ARFIP1: variants seen among roughly 807,000 people sequenced by gnomAD.
ARFIP1 encodes the protein ARF interacting protein 1, also known as arfaptin-1.
ARFIP1 carries 24 observed loss-of-function variants against 42.5 expected under a neutral mutation model. That is an observed-to-expected ratio of 0.57 (90% CI 0.41 to 0.80). The LOEUF is 0.80. ARFIP1 is among the 30% of genes least tolerant of loss of function. The pLI, the probability that ARFIP1 is intolerant of heterozygous loss-of-function variation, is 0.00. For missense variants in ARFIP1, 354 were observed against 434.0 expected, an observed-to-expected ratio of 0.82 and a Z score of 1.64; for synonymous variants, 141 against 153.7, an observed-to-expected ratio of 0.92 and a Z score of 0.61.
chr4:152,810,841 C>T (rs1302041181), intron 1 of ARFIP1, among the ~76,000 whole-genome samples: 1 of 151,794 alleles, frequency 6.6e-6, no homozygotes, highest in Non-Finnish European at 1.5e-5. Flanking sequence ...TGCTATTCCA[C>T]ATCTCTTCCT....
Position 152,785,276 on chromosome 4 carries a change from C to T in ARFIP1, c.-10+5050C>T, listed in dbSNP as rs562685945. Among the ~76,000 whole-genome samples the T allele has an allele frequency of 3.3e-5, 5 of 152,252 alleles. No homozygotes were observed. The South Asian group carries it at 1.0e-3, about 32-fold the overall frequency. On this transcript the variant is annotated intron_variant, in intron 1 of 8. Coordinates refer to ENST00000353617, the MANE Select transcript of ARFIP1 (RefSeq NM_001025595.3). ...TTTACAAAGCACTTTCACATACATC[C>T]TCATTTTATTTTTACTCCAGCCATA...
chr4:152,874,016 C>G (rs1390674636), intron 5 of ARFIP1, among the ~76,000 whole-genome samples: 1 of 152,160 alleles, frequency 6.6e-6, no homozygotes, highest in Admixed American at 6.5e-5. Context: ...AATTCCCTTT[C>G]ATTTTACTTG....
At chr4:152,902,693 T>A (rs1381536579) in intron 8 of ARFIP1, among the ~76,000 whole-genome samples, 4 of 152,214 alleles carry the variant, frequency 2.6e-5, no homozygotes, top group Non-Finnish European at 1.5e-5. Flanking sequence ...ATAGCTTAAA[T>A]ATAGAAGTAA....
chr4:152,867,268 C>T (rs553567374), intron 3 of ARFIP1, among the ~76,000 whole-genome samples: 3 of 152,262 alleles, frequency 2.0e-5, no homozygotes, highest in South Asian at 2.1e-4. Context: ...CTGAGGCTGG[C>T]GGATCACTCG....
chr4:152,896,799 CT>C (rs1347607172), intron 8 of ARFIP1, among the ~76,000 whole-genome samples: 1 of 151,188 alleles, frequency 6.6e-6, no homozygotes, highest in African/African-American at 2.4e-5. Context: ...TGTGCCTTAT[CT>C]TTTTTTCCAA....
chr4:152,867,327 C>T (rs1481223554), intron 3 of ARFIP1, among the ~76,000 whole-genome samples: 1 of 152,158 alleles, frequency 6.6e-6, no homozygotes, highest in Non-Finnish European at 1.5e-5. Flanking sequence ...AACCCCGTCT[C>T]CACCAAAAAA....
intron 5 of ARFIP1, among the ~76,000 whole-genome samples, chr4:152,879,489 A>G (rs1735648709): frequency 6.6e-6 from 1 of 152,126 alleles, no homozygotes; most frequent in Non-Finnish European, 1.5e-5. Context: ...CATTATTTTA[A>G]TTTTTACCAC....
intron 8 of ARFIP1, among the ~76,000 whole-genome samples, chr4:152,895,659 C>T (rs1215580608): frequency 4.1e-5 from 6 of 145,446 alleles, no homozygotes; most frequent in Non-Finnish European, 7.5e-5. Context: ...CTCCCAGGCT[C>T]AAGCACTCCT....
At chr4:152,795,631 C>G (rs1731398141) in intron 1 of ARFIP1, among the ~76,000 whole-genome samples, 1 of 151,948 alleles carries the variant, frequency 6.6e-6, no homozygotes, top group Non-Finnish European at 1.5e-5. Context: ...ATGGTTGTAC[C>G]AATTTGTATT....
At chr4:152,842,629 T>C (rs1732188496) in intron 2 of ARFIP1, among the ~76,000 whole-genome samples, 1 of 152,170 alleles carries the variant, frequency 6.6e-6, no homozygotes, top group Admixed American at 6.5e-5. Context: ...TTTCTTTGTC[T>C]TTGTTGGATT....
intron 2 of ARFIP1, among the ~76,000 whole-genome samples, chr4:152,838,510 G>A (rs186683089): frequency 1.3e-4 from 19 of 151,014 alleles, no homozygotes; most frequent in African/African-American, 2.9e-4. Flanking sequence ...AGTATATTCC[G>A]AAGTATTTTT....
At chr4:152,801,328 C>T (rs910184404) in intron 1 of ARFIP1, among the ~76,000 whole-genome samples, 2 of 151,960 alleles carry the variant, frequency 1.3e-5, no homozygotes, top group Admixed American at 6.6e-5. Flanking sequence ...TAAGAATTTT[C>T]CAGACAGAGC....
chr4:152,836,450 G>C (rs1561131971), intron 2 of ARFIP1, among the ~76,000 whole-genome samples: 1 of 152,130 alleles, frequency 6.6e-6, no homozygotes, highest in Non-Finnish European at 1.5e-5. Context: ...GAGAAAAAAA[G>C]ACTATCCTTC....
chr4:152,789,514 T>C (rs1409582518), intron 1 of ARFIP1, among the ~76,000 whole-genome samples: 1 of 152,234 alleles, frequency 6.6e-6, no homozygotes, highest in African/African-American at 2.4e-5. Context: ...TTGTATATTG[T>C]ACTTTTTAGA....
chr4:152,866,482 C>T (rs1187914800), intron 3 of ARFIP1, among the ~76,000 whole-genome samples: 3 of 151,034 alleles, frequency 2.0e-5, no homozygotes, highest in Non-Finnish European at 4.4e-5. Flanking sequence ...GACGGGGCAG[C>T]TGGCCGGGCG....
intron 2 of ARFIP1, among the ~76,000 whole-genome samples, chr4:152,834,802 T>G (rs1263966818): frequency 1.3e-5 from 2 of 152,224 alleles, no homozygotes; most frequent in African/African-American, 4.8e-5. Flanking sequence ...TCCTAGGCAG[T>G]GGCCCAGTAG....
At chr4:152,801,071 G>T (rs529417162) in intron 1 of ARFIP1, among the ~76,000 whole-genome samples, 2 of 152,292 alleles carry the variant, frequency 1.3e-5, no homozygotes, top group African/African-American at 2.4e-5. Flanking sequence ...AGGATTTTGA[G>T]TGTCAAGCTG....
In ARFIP1 at chr4:152,876,570, T is replaced by C. The variant is rs1206867441; in HGVS notation, c.411+4006T>C. Among the ~76,000 whole-genome samples the C allele has an allele frequency of 2.6e-5, 4 of 152,306 alleles. No individual in the cohort carries two copies. The South Asian group carries it at 6.2e-4, about 24-fold the overall frequency. Reference sequence around the variant, plus strand: ...GAGAATTTGCAGCCTGACTATGCGATAGAAAAGAAAAACCCATTTTGGGGG... The same window carrying C: ...GAGAATTTGCAGCCTGACTATGCGACAGAAAAGAAAAACCCATTTTGGGGG... On this transcript the variant is annotated intron_variant, in intron 5 of 8. Transcript: ENST00000353617.
At chr4:152,825,821 A>G (rs929695938) in intron 1 of ARFIP1, among the ~76,000 whole-genome samples, 5 of 151,940 alleles carry the variant, frequency 3.3e-5, no homozygotes, top group Non-Finnish European at 7.4e-5. Context: ...TCAAGGAACA[A>G]GTAATTCCAT....
Sources: gnomAD v4.1 joint callset for allele counts (sites outside exome capture counted in the v4.1 genomes callset) on GRCh38, gnomAD v4.1.1 for gene constraint, MANE v1.5 for transcripts, NCBI Gene and HGNC (gene_info 2026-07-23, HGNC 2026-07-21) for gene names.